FN1: variants seen among roughly 807,000 people sequenced by gnomAD.
The protein encoded by FN1 is fibronectin 1, also known as fibronectin.
Under a neutral mutation model 297.3 loss-of-function variants are expected in FN1, and 106 were observed. That is an observed-to-expected ratio of 0.36 (90% CI 0.30 to 0.42). The LOEUF is 0.42. Among genes scored for constraint, FN1 ranks in the 10% least tolerant of loss-of-function variants. FN1 has a pLI of 1.00. For synonymous variants in FN1, 1,149 were observed against 1,152.6 expected (o/e 1.00, Z 0.06); for missense variants, 2,690 against 3,124.9 (o/e 0.86, Z 3.32).
rs1239366335 is a variant in FN1 at position 215,368,020 on chromosome 2, T to C, written c.6861A>G (p.Glu2287=). The C allele has an allele frequency of 6.2e-7, 1 of 1,614,040 alleles. No individual in the cohort carries two copies. The highest frequency in any genetic ancestry group is 1.3e-5 in the African/African-American group (1 of 74,938). Reference sequence around the variant, plus strand: ...AGTCATCCGTAGGTTGGTTCAAGCCTTCGTTGACTATGAAGAAAAGGAAGA... The same window carrying C: ...AGTCATCCGTAGGTTGGTTCAAGCCCTCGTTGACTATGAAGAAAAGGAAGA... ...EVVTVGNSVN[E]GLNQPTDDSC... Residue 2287 remains glutamate (E), a synonymous_variant, in exon 42 of 46, where the codon GAA becomes GAG. Coordinates refer to ENST00000354785, the MANE Select transcript of FN1 (RefSeq NM_212482.4).
intron 20 of FN1, among the ~76,000 whole-genome samples, chr2:215,399,646 C>T (rs1352357725): frequency 6.6e-6 from 1 of 152,202 alleles, no homozygotes; most frequent in East Asian, 1.9e-4. Flanking sequence ...TCTGCTGGCC[C>T]GTGAATGATA....
In FN1 at chr2:215,410,107, G is replaced by C; in HGVS notation, c.1949C>G (p.Ser650Cys). The change falls in exon 14 of 46, where the codon TCT becomes TGT. Residue 650 changes from serine to cysteine, a missense_variant. Coordinates refer to ENST00000354785, the MANE Select transcript of FN1 (RefSeq NM_212482.4). ...GGTAGCTTCCTTCCAACGGCCTACA[G>C]AATTTTTCTGAAAATTTAAATTAAC... ...KYILRWRPKN[S>C]VGRWKEATIP... is the part of the protein sequence containing the mutation. 1 of 1,601,500 alleles carries C rather than the reference G, an allele frequency of 6.2e-7. No individual in the cohort carries two copies. Among genetic ancestry groups the C allele is most frequent in the South Asian group, 1.1e-5 (1 of 89,720 alleles).
At chr2:215,375,466 G>A in intron 37 of FN1, 73 bp from the exon 38 acceptor site, 1 of 1,451,492 alleles carries the variant, frequency 6.9e-7, no homozygotes, top group Non-Finnish European at 9.5e-7. Flanking sequence ...TTTCTCCCGA[G>A]CCGTTCTAAA....
intron 13 of FN1, among the ~76,000 whole-genome samples, chr2:215,412,567 G>A (rs1241699373): frequency 1.3e-5 from 2 of 152,090 alleles, no homozygotes; most frequent in South Asian, 2.1e-4. Flanking sequence ...CTCCCAAGTA[G>A]CTGGGACTAC....
At chr2:215,417,463 T>C (rs1325785619) in intron 12 of FN1, among the ~76,000 whole-genome samples, 1 of 152,190 alleles carries the variant, frequency 6.6e-6, no homozygotes, top group Non-Finnish European at 1.5e-5. Context: ...GATCTGTGCT[T>C]TTCTAGTTGC....
Position 215,430,783 on chromosome 2 carries a change from T to C in FN1, c.617A>G (p.Gln206Arg). ...AGTACAATCTACCATCATCCAGCCTTGGTAGGGCTTCTCCCACGTTTCTCC... is the reference window on the plus strand; with the variant it reads ...AGTACAATCTACCATCATCCAGCCTCGGTAGGGCTTCTCCCACGTTTCTCC... ...VVGETWEKPYQGWMMVDCTCL... is the reference protein window; with the variant it reads ...VVGETWEKPYRGWMMVDCTCL... Residue 206 changes from glutamine (Q) to arginine (R), a missense_variant, in exon 5 of 46, where the codon CAA becomes CGA. This residue lies in a region of FN1 where 876 missense variants were observed against 1,058.1 expected (regional missense o/e 0.83). Coordinates refer to ENST00000354785, the MANE Select transcript of FN1 (RefSeq NM_212482.4). 6.2e-7 allele frequency: 1 copy of C among 1,614,164 alleles called. No individual in the cohort carries two copies. Among genetic ancestry groups the C allele is most frequent in the Non-Finnish European group, 8.5e-7 (1 of 1,180,008 alleles).
At chr2:215,377,528 C>G (rs2057520388) in intron 35 of FN1, among the ~76,000 whole-genome samples, 3 of 152,126 alleles carry the variant, frequency 2.0e-5, no homozygotes, top group Admixed American at 2.0e-4. Context: ...GCCTGCTCCC[C>G]CTTGGCCTTC....
chr2:215,376,441 C>G, intron 36 of FN1, 57 bp downstream of exon 36: 1 of 1,470,560 alleles, frequency 6.8e-7, no homozygotes, highest in Non-Finnish European at 9.5e-7. Context: ...GTTAATAAGC[C>G]CGTTTACATT....
At chr2:215,407,038 T>G in intron 18 of FN1, 89 bp downstream of exon 18, 2 of 970,126 alleles carry the variant, frequency 2.1e-6, no homozygotes, top group Non-Finnish European at 3.4e-6. Context: ...ATTTCTTGAA[T>G]GAGAGGACTG....
At chr2:215,404,318 G>A in intron 20 of FN1, 71 bp downstream of exon 20, 1 of 1,392,168 alleles carries the variant, frequency 7.2e-7, no homozygotes, top group Non-Finnish European at 1.0e-6. Flanking sequence ...GTTTTGTTTT[G>A]TTTTGTTTTA....
intron 20 of FN1, among the ~76,000 whole-genome samples, chr2:215,401,098 A>T (rs1471238056): frequency 1.5e-4 from 4 of 27,124 alleles, no homozygotes; most frequent in African/African-American, 5.0e-4. Flanking sequence ...ACCTGGCCAA[A>T]AAAAAAAAAA....
At chr2:215,410,212 T>A in intron 13 of FN1, 98 bp from the exon 14 acceptor site, 1 of 1,269,970 alleles carries the variant, frequency 7.9e-7, no homozygotes, top group Non-Finnish European at 1.1e-6. Flanking sequence ...AAAAATGACT[T>A]AAGCAGGACT....
At chr2:215,398,675 C>T (rs1024288152) in intron 21 of FN1, among the ~76,000 whole-genome samples, 1 of 152,148 alleles carries the variant, frequency 6.6e-6, no homozygotes, top group African/African-American at 2.4e-5. Context: ...ACACTAAATG[C>T]CAAAGAATGG....
rs56381916 is a variant in FN1 at position 215,404,307 on chromosome 2, T to TTTTTTG, written c.3253+81_3253+82insCAAAAA. ...TGTACTAATTTTTTAATGTTTTTTT[T>TTTTTTG]GTTTTGTTTTGTTTTGTTTTAAAGC... On this transcript the variant is annotated intron_variant, in intron 20 of 45. Coordinates refer to ENST00000354785, the MANE Select transcript of FN1 (RefSeq NM_212482.4). 0.29 allele frequency: 345,479 copies of TTTTTTG among 1,197,164 alleles called. 30,790 individuals are homozygous for TTTTTTG. The highest frequency in any genetic ancestry group is 0.36 in the South Asian group (25,468 of 70,108). The allele number at this position is 1,197,164 out of a possible 1,614,324, so 74.2% of individuals were successfully genotyped here. A position where few individuals can be genotyped will look rare whatever the true frequency, so the allele number is the denominator to read the frequency against.
At chr2:215,407,968 ACAC>A in intron 17 of FN1, 137 bp downstream of exon 17, 3 of 637,866 alleles carry the variant, frequency 4.7e-6, no homozygotes, top group Admixed American at 4.3e-5. Context: ...ACACACACAC[ACAC>A]ACACACACAA....
chr2:215,384,967 A>C lies in FN1; in HGVS notation c.4622T>G (p.Val1541Gly). The C allele has an allele frequency of 6.2e-7, 1 of 1,611,976 alleles. No homozygotes were observed. The highest frequency in any genetic ancestry group is 8.5e-7 in the Non-Finnish European group (1 of 1,178,070). The change falls in exon 29 of 46, where the codon GTT becomes GGT. Residue 1541 changes from valine (V) to glycine (G), a missense_variant. This residue lies in a region of FN1 where 1,743 missense variants were observed against 1,945.2 expected (regional missense o/e 0.90). Coordinates refer to ENST00000354785, the MANE Select transcript of FN1 (RefSeq NM_212482.4). ...AGCAACAACTTCCAGGTCCCTCGGA[A>C]CATCAGAAACTAGAAAAAAAAGGGA... ...LIGQQSTVSD[V>G]PRDLEVVAAT...
intron 35 of FN1, among the ~76,000 whole-genome samples, chr2:215,377,079 AGAGTGTGT>A (rs1559368293): frequency 2.7e-5 from 2 of 75,050 alleles, no homozygotes; most frequent in East Asian, 6.1e-4. Flanking sequence ...AGAGAGAGAG[AGAGTGTGT>A]GTGTGTGTGT....
intron 13 of FN1, among the ~76,000 whole-genome samples, chr2:215,411,792 G>A (rs1199362117): frequency 4.6e-5 from 7 of 151,370 alleles, no homozygotes; most frequent in South Asian, 2.1e-4. Context: ...TCAGCTTCCC[G>A]AGTAGCTGGG....
At chr2:215,433,530 C>CT in intron 2 of FN1, 69 bp from the exon 3 acceptor site, 1 of 1,515,608 alleles carries the variant, frequency 6.6e-7, no homozygotes, top group African/African-American at 1.4e-5. Flanking sequence ...CTAATCCCCT[C>CT]TAAAGGAAAA....
Sources: allele counts gnomAD v4.1 joint callset (sites outside exome capture counted in the v4.1 genomes callset), GRCh38; gene constraint gnomAD v4.1.1; regional missense constraint gnomAD v4.1.1; transcripts MANE v1.5; gene names NCBI Gene and HGNC (gene_info 2026-07-23, HGNC 2026-07-21).